ENO4: variants seen among roughly 807,000 people sequenced by gnomAD.
ENO4 encodes the protein enolase 4.
A neutral mutation model predicts 63.2 loss-of-function variants in ENO4; 53 were observed. The observed-to-expected ratio is 0.84, with a 90% confidence interval of 0.67 to 1.05. The LOEUF is 1.05. Ranked by LOEUF, ENO4 falls within the 50% of genes least tolerant of loss-of-function variation. The pLI, the probability that ENO4 is intolerant of heterozygous loss-of-function variation, is 0.00. For synonymous variants in ENO4, 266 were observed against 283.8 expected, an observed-to-expected ratio of 0.94 and a Z score of 0.63; for missense variants, 719 against 772.0, an observed-to-expected ratio of 0.93 and a Z score of 0.81.
At chr10:116,872,540 G>T (rs1846727020) in intron 9 of ENO4, among the ~76,000 whole-genome samples, 1 of 152,100 alleles carries the variant, frequency 6.6e-6, no homozygotes, top group Non-Finnish European at 1.5e-5. Context: ...ACATGATTTT[G>T]CTCTTCCTTT....
At chr10:116,902,153 C>T (rs180702774) in intron 10 of ENO4, among the ~76,000 whole-genome samples, 2 of 152,292 alleles carry the variant, frequency 1.3e-5, no homozygotes, top group Admixed American at 1.3e-4. Context: ...TCTACCAGGA[C>T]CACGCTGAGA....
chr10:116,895,799 A>G (rs1008081597), intron 10 of ENO4, among the ~76,000 whole-genome samples: 1 of 152,256 alleles, frequency 6.6e-6, no homozygotes, highest in Admixed American at 6.5e-5. Context: ...AATGTCAGTT[A>G]GAAGTGTAAT....
At chr10:116,879,070 C>A (rs1476245493) in intron 11 of ENO4, among the ~76,000 whole-genome samples, 1 of 152,042 alleles carries the variant, frequency 6.6e-6, no homozygotes, top group Non-Finnish European at 1.5e-5. Context: ...TAATGAAACA[C>A]AGTATTCATT....
chr10:116,906,021 C>T (rs1274453032), intron 10 of ENO4, among the ~76,000 whole-genome samples: 1 of 152,226 alleles, frequency 6.6e-6, no homozygotes, highest in Middle Eastern at 3.2e-3. Flanking sequence ...AGTTCACAGG[C>T]AGGCACAGTA....
chr10:116,862,202 G>A (rs1305812731), intron 6 of ENO4, among the ~76,000 whole-genome samples: 1 of 152,174 alleles, frequency 6.6e-6, no homozygotes, highest in East Asian at 1.9e-4. Flanking sequence ...GGTGCCTCAC[G>A]CCTGTAATCC....
chr10:116,860,202 C>A (rs1330333227), intron 4 of ENO4, among the ~76,000 whole-genome samples: 1 of 152,200 alleles, frequency 6.6e-6, no homozygotes. Context: ...ATGATGGACT[C>A]TGTCCGGACC....
At chr10:116,850,145 G>A (rs546421827) in intron 1 of ENO4, 10 of 270,486 alleles carry the variant, frequency 3.7e-5, no homozygotes, top group African/African-American at 1.6e-4. Flanking sequence ...TTGATCACAG[G>A]ATGAACACCT....
intron 10 of ENO4, among the ~76,000 whole-genome samples, chr10:116,903,523 C>CA: frequency 6.6e-6 from 1 of 151,060 alleles, no homozygotes. Flanking sequence ...GACTTCATCT[C>CA]AGAGACAAAA....
intron 10 of ENO4, among the ~76,000 whole-genome samples, chr10:116,911,063 C>T (rs1350215369): frequency 1.3e-5 from 2 of 152,200 alleles, no homozygotes; most frequent in Non-Finnish European, 2.9e-5. Flanking sequence ...TGTTGACTTA[C>T]TGTGCATAAT....
intron 1 of ENO4, among the ~76,000 whole-genome samples, chr10:116,852,877 A>G (rs1397686524): frequency 6.6e-6 from 1 of 152,174 alleles, no homozygotes; most frequent in African/African-American, 2.4e-5. Flanking sequence ...AGATGATTAC[A>G]TCTGCATAAG....
Position 116,860,925 on chromosome 10 carries a change from C to G in ENO4, c.766C>G (p.Pro256Ala). 6.5e-7 allele frequency: 1 copy of G among 1,547,396 alleles called. No homozygotes were observed. The highest frequency in any genetic ancestry group is 1.4e-5 in the African/African-American group (1 of 73,132). The change falls in exon 5 of 14, where the codon CCT becomes GCT. Residue 256 changes from proline (P) to alanine (A), a missense_variant. By Grantham distance (27) the Pro-to-Ala change is conservative. Transcript: ENST00000341276. The stretch of plus-strand genomic sequence containing the variant: ...AGCCTGTGCCATGCTGCTTAATAAA[C>G]CTCTGTACTTAAATATCGCTCTACT... ...AKACAMLLNK[P>A]LYLNIALLKH...
Position 116,911,370 on chromosome 10 carries a change from T to C in ENO4, c.1195-129T>C. 3 of 1,248,770 alleles carry C rather than the reference T, an allele frequency of 2.4e-6. No homozygotes were observed. In the South Asian group the frequency reaches 4.8e-5, roughly 20 times the overall value. The allele number at this position is 1,248,770 out of a possible 1,614,324, so 77.4% of individuals were successfully genotyped here. On this transcript the variant is annotated intron_variant, in intron 10 of 10. Transcript: ENST00000369207. ...GAGGAAAGGCAGACTGTGACCCTGA[T>C]ATGAAGCTATTTGGGGAGGAATTTA...
downstream of ENO4, chr10:116,884,337 G>A: frequency 2.3e-6 from 1 of 441,518 alleles, no homozygotes; most frequent in South Asian, 1.6e-5. Context: ...AAAGGTGAGT[G>A]AATATCTTCC....
At position 116,903,350 on chromosome 10, in the gene ENO4, T is replaced by C. The variant is rs374550340; in HGVS notation, c.1195-8149T>C. Among the ~76,000 whole-genome samples, 22 of 151,830 alleles carry C rather than the reference T, an allele frequency of 1.4e-4. No individual in the cohort carries two copies. In the East Asian group the frequency reaches 2.3e-3, roughly 16 times the overall value. On this transcript the variant is annotated intron_variant, in intron 10 of 10. Transcript: ENST00000369207. Reference sequence around the variant, plus strand: ...GAGTTAGAGACCAACCTGGCCAACATGGTGAAACCCTGTCTCTACTAGAAA... The same window carrying C: ...GAGTTAGAGACCAACCTGGCCAACACGGTGAAACCCTGTCTCTACTAGAAA...
chr10:116,855,655 C>A lies in ENO4; in HGVS notation c.198C>A (p.Pro66=). 6.5e-7 allele frequency: 1 copy of A among 1,536,204 alleles called. No individual in the cohort carries two copies. The change falls in exon 2 of 14, where the codon CCC becomes CCA. Residue 66 remains proline, a synonymous_variant. Coordinates refer to ENST00000341276, the MANE Select transcript of ENO4 (RefSeq NM_001242699.2). ...ANCFSKLAKP[P]TICKIVGKDV... is the part of the protein sequence containing the mutation. ...GCTTTTCTAAACTTGCAAAGCCTCCCACCATATGCAAAATAGTGGGGAAAG... is the reference window on the plus strand; with the variant it reads ...GCTTTTCTAAACTTGCAAAGCCTCCAACCATATGCAAAATAGTGGGGAAAG...
intron 6 of ENO4, 44 bp downstream of exon 6, chr10:116,861,234 AAAATAT>A (rs1210954469): frequency 3.1e-4 from 125 of 403,762 alleles, no homozygotes; most frequent in Non-Finnish European, 3.5e-4. Context: ...AAAAAAAAAA[AAAATAT>A]ATATATATAT....
intron 10 of ENO4, chr10:116,901,048 T>C: frequency 3.0e-6 from 3 of 985,432 alleles, no homozygotes; most frequent in Non-Finnish European, 2.4e-6. Context: ...TAATTAACCA[T>C]GATTACAATA....
Position 116,849,534 on chromosome 10 carries a change from G to T in ENO4, c.-33G>T, listed in dbSNP as rs888956007. ...AGCAGGGACGCTCGTGGGACCCCAG[G>T]CTAAACCCCGCTGTAGCCTTAAATC... On this transcript the variant is annotated 5_prime_UTR_variant, in exon 1 of 14. Transcript: ENST00000341276. 1 of 1,488,274 alleles carries T rather than the reference G, an allele frequency of 6.7e-7. No homozygotes were observed. Among genetic ancestry groups the T allele is most frequent in the East Asian group, 2.5e-5 (1 of 39,586 alleles). 92.2% of individuals were successfully genotyped at this position (1,488,274 alleles called of 1,614,324 possible).
chr10:116,885,332 A>G (rs2133292414), downstream of ENO4: 1 of 152,704 alleles, frequency 6.5e-6, no homozygotes, highest in Non-Finnish European at 1.5e-5. Flanking sequence ...TTTTGAAACA[A>G]TCAACTTTGA....
Sources: allele counts gnomAD v4.1 joint callset (sites outside exome capture counted in the v4.1 genomes callset), GRCh38; gene constraint gnomAD v4.1.1; transcripts MANE v1.5; gene names NCBI Gene and HGNC (gene_info 2026-07-23, HGNC 2026-07-21).